The following RBMS1 variants were observed in gnomAD, a reference collection of about 807,000 sequenced individuals.
RBMS1 encodes the protein RNA-binding motif, single-stranded-interacting protein 1.
RBMS1 carries 17 observed loss-of-function variants against 62.3 expected under a neutral mutation model. The observed-to-expected ratio is 0.27, with a 90% confidence interval of 0.19 to 0.41. The LOEUF (loss-of-function observed/expected upper bound fraction) is 0.41. RBMS1 is among the 10% of genes least tolerant of loss of function. RBMS1 has a pLI of 1.00. For synonymous variants in RBMS1, 172 were observed against 170.0 expected, an observed-to-expected ratio of 1.01 and a Z score of -0.09; for missense variants, 334 against 504.5, an observed-to-expected ratio of 0.66 and a Z score of 3.24.
At chr2:160,470,417 T>C (rs563433122) in intron 1 of RBMS1, among the ~76,000 whole-genome samples, 1 of 152,216 alleles carries the variant, frequency 6.6e-6, no homozygotes, top group Non-Finnish European at 1.5e-5. Context: ...GTGATTTGCA[T>C]ACATATAAAT....
At chr2:160,375,790 C>A (rs905928121) in intron 1 of RBMS1, among the ~76,000 whole-genome samples, 1 of 152,020 alleles carries the variant, frequency 6.6e-6, no homozygotes, top group Admixed American at 6.6e-5. Context: ...GCAGTGTTTT[C>A]CTCCTCCTTG....
intron 6 of RBMS1, among the ~76,000 whole-genome samples, chr2:160,290,639 A>G (rs1238781643): frequency 6.6e-6 from 1 of 152,182 alleles, no homozygotes; most frequent in Non-Finnish European, 1.5e-5. Context: ...ACCCAAAACT[A>G]AAGAGTTATT....
At chr2:160,461,274 G>A (rs1044118155) in intron 1 of RBMS1, among the ~76,000 whole-genome samples, 9 of 150,702 alleles carry the variant, frequency 6.0e-5, no homozygotes, top group East Asian at 1.9e-4. Flanking sequence ...AGAGAGAGAG[G>A]GAGAGAAAGA....
intron 1 of RBMS1, among the ~76,000 whole-genome samples, chr2:160,462,286 T>C (rs1684498645): frequency 1.3e-5 from 2 of 152,198 alleles, no homozygotes; most frequent in Non-Finnish European, 2.9e-5. Context: ...ATGCTTAGTA[T>C]AAGGACACAA....
At chr2:160,424,636 C>T (rs1358101040) in intron 1 of RBMS1, among the ~76,000 whole-genome samples, 1 of 152,050 alleles carries the variant, frequency 6.6e-6, no homozygotes, top group African/African-American at 2.4e-5. Context: ...TCTTCTTCAA[C>T]CCAACATTCA....
At chr2:160,491,691 T>C (rs1685837290) in intron 1 of RBMS1, among the ~76,000 whole-genome samples, 1 of 152,232 alleles carries the variant, frequency 6.6e-6, no homozygotes, top group Non-Finnish European at 1.5e-5. Context: ...AGCTGTCCTT[T>C]AGGCACCCAA....
At chr2:160,471,729 A>G (rs1201179977) in intron 1 of RBMS1, among the ~76,000 whole-genome samples, 4 of 127,884 alleles carry the variant, frequency 3.1e-5, no homozygotes, top group African/African-American at 1.1e-4. Flanking sequence ...CCTTTCATAC[A>G]TTCTGATTAT....
intron 1 of RBMS1, among the ~76,000 whole-genome samples, chr2:160,380,400 C>T (rs1161435433): frequency 6.6e-6 from 1 of 152,120 alleles, no homozygotes; most frequent in Non-Finnish European, 1.5e-5. Context: ...ACAGGAACAG[C>T]ATTCTAGGTG....
At chr2:160,284,752 T>A in intron 9 of RBMS1, 23 bp downstream of exon 9, 2 of 1,509,050 alleles carry the variant, frequency 1.3e-6, no homozygotes, top group Non-Finnish European at 1.8e-6. Context: ...GTTATACTGC[T>A]GACGAATCCT....
intron 2 of RBMS1, among the ~76,000 whole-genome samples, chr2:160,329,494 A>G (rs1321710729): frequency 6.6e-6 from 1 of 152,248 alleles, no homozygotes; most frequent in Non-Finnish European, 1.5e-5. Flanking sequence ...GATAAAGATG[A>G]GCAATCATTG....
At chr2:160,429,736 C>T (rs945832929) in intron 1 of RBMS1, among the ~76,000 whole-genome samples, 2 of 152,160 alleles carry the variant, frequency 1.3e-5, no homozygotes, top group Non-Finnish European at 2.9e-5. Flanking sequence ...TTTACTCTTT[C>T]AAGCTGTATT....
intron 4 of RBMS1, among the ~76,000 whole-genome samples, chr2:160,307,276 T>C (rs1574252316): frequency 6.7e-6 from 1 of 150,036 alleles, no homozygotes; most frequent in Non-Finnish European, 1.5e-5. Context: ...GTCACTGGCA[T>C]GTGACTGCAA....
chr2:160,291,544 C>T (rs918916460), intron 6 of RBMS1, among the ~76,000 whole-genome samples: 9 of 152,110 alleles, frequency 5.9e-5, no homozygotes, highest in Non-Finnish European at 1.3e-4. Flanking sequence ...TAACTGAATT[C>T]TGTTGACCTA....
chr2:160,303,023 G>A (rs968717646), intron 5 of RBMS1, among the ~76,000 whole-genome samples: 10 of 152,172 alleles, frequency 6.6e-5, no homozygotes, highest in African/African-American at 2.2e-4. Context: ...GAGACTGACT[G>A]TTATTTTTAA....
intron 1 of RBMS1, among the ~76,000 whole-genome samples, chr2:160,421,636 G>T (rs1032733259): frequency 2.0e-5 from 3 of 152,210 alleles, no homozygotes; most frequent in Non-Finnish European, 4.4e-5. Context: ...ATAGCAGCAT[G>T]ATTTATAATC....
At chr2:160,305,414 C>T (rs1689446244) in intron 4 of RBMS1, among the ~76,000 whole-genome samples, 1 of 152,140 alleles carries the variant, frequency 6.6e-6, no homozygotes, top group African/African-American at 2.4e-5. Context: ...TAACTGCTAA[C>T]AGTATTCAGT....
chr2:160,384,675 A>G (rs993380710), intron 1 of RBMS1, among the ~76,000 whole-genome samples: 3 of 152,222 alleles, frequency 2.0e-5, no homozygotes, highest in Non-Finnish European at 4.4e-5. Context: ...GGAGGAGGAT[A>G]CCATCTATTC....
At chr2:160,471,943 T>C (rs1684940967) in intron 1 of RBMS1, among the ~76,000 whole-genome samples, 1 of 151,936 alleles carries the variant, frequency 6.6e-6, no homozygotes, top group Admixed American at 6.6e-5. Context: ...CACTCAATCA[T>C]TCAAGTATCC....
chr2:160,402,187 T>C (rs1695463913), intron 1 of RBMS1: 1 of 152,092 alleles, frequency 6.6e-6, no homozygotes. Flanking sequence ...TAGCAGAAAC[T>C]CAGACTTAGG....
Sources: gnomAD v4.1 joint callset for allele counts (sites outside exome capture counted in the v4.1 genomes callset) on GRCh38, gnomAD v4.1.1 for gene constraint, MANE v1.5 for transcripts, NCBI Gene and HGNC (gene_info 2026-07-23, HGNC 2026-07-21) for gene names.